The following BEND2 variants were observed in gnomAD, a reference collection of about 807,000 sequenced individuals.
BEND2 encodes BEN domain containing 2, also known as BEN domain-containing protein 2.
BEND2 carries 19 observed loss-of-function variants against 43.8 expected under a neutral mutation model. The ratio of observed to expected loss-of-function variants is 0.43; its 90% CI spans 0.30 to 0.64. The LOEUF (loss-of-function observed/expected upper bound fraction) is 0.64, where lower values mean the gene tolerates loss of function less well. Ranked by LOEUF, BEND2 falls within the 30% of genes least tolerant of loss-of-function variation. The pLI is 0.11. For synonymous variants in BEND2, 226 were observed against 210.1 expected (o/e 1.08, Z -0.66); for missense variants, 544 against 574.0 (o/e 0.95, Z 0.53).
chrX:18,171,858 A>C (rs1923987225), intron 12 of BEND2, among the ~76,000 whole-genome samples: 1 of 112,015 alleles, frequency 8.9e-6, no homozygotes, highest in South Asian at 3.7e-4. Context: ...TTCAAAAATA[A>C]GCTCCATGAT....
At chrX:18,172,160 T>C (rs1285451400) in intron 12 of BEND2, among the ~76,000 whole-genome samples, 2 of 110,622 alleles carry the variant, frequency 1.8e-5, no homozygotes, top group Non-Finnish European at 3.8e-5. Context: ...AGTCAGTAAG[T>C]ATATTCTTCA....
In BEND2 at chrX:18,163,871, T is replaced by C. The variant is rs1016375916; in HGVS notation, c.*1138A>G. ...GTGGATTACTATTCTGTATTAGCTC[T>C]GTTACTAGTAGTTGTAAAAAACTTG... On this transcript the variant is annotated 3_prime_UTR_variant, in exon 14 of 14. Coordinates refer to ENST00000380033, the MANE Select transcript of BEND2 (RefSeq NM_153346.5). 6.2e-5 allele frequency: 7 copies of C among 112,485 alleles called. No individual in the cohort carries two copies. Among genetic ancestry groups the C allele is most frequent in the Admixed American group, 1.9e-4 (2 of 10,591 alleles). 9.3% of individuals were successfully genotyped at this position (112,485 alleles called of 1,213,427 possible). A position where few individuals can be genotyped will look rare whatever the true frequency, so the allele number is the denominator to read the frequency against.
intron 6 of BEND2, among the ~76,000 whole-genome samples, 200 bp from the exon 7 acceptor site, chrX:18,195,642 A>T (rs113689595): frequency 2.7e-5 from 3 of 111,246 alleles, no homozygotes; most frequent in African/African-American, 9.8e-5. Flanking sequence ...ATACTTTGGG[A>T]GGCGGAGACA....
chrX:18,167,985 T>C, intron 13 of BEND2, among the ~76,000 whole-genome samples: 1 of 112,674 alleles, frequency 8.9e-6, no homozygotes, highest in Non-Finnish European at 1.9e-5. Context: ...AATCAAATCA[T>C]GAAGGATCAG....
intron 11 of BEND2, among the ~76,000 whole-genome samples, chrX:18,175,281 A>T (rs1924108059): frequency 9.0e-6 from 1 of 111,529 alleles, no homozygotes; most frequent in African/African-American, 3.3e-5. Flanking sequence ...TACTCTAGAG[A>T]CACAGGAGCG....
chrX:18,198,644 C>T (rs963177969), intron 6 of BEND2, among the ~76,000 whole-genome samples: 1 of 111,164 alleles, frequency 9.0e-6, no homozygotes, highest in African/African-American at 3.3e-5. Context: ...GTCAGGGTGG[C>T]GATTCCTCAG....
chrX:18,165,912 C>T (rs1169173267), intron 13 of BEND2, among the ~76,000 whole-genome samples: 1 of 111,975 alleles, frequency 8.9e-6, no homozygotes, highest in Non-Finnish European at 1.9e-5. Flanking sequence ...GTGATCCCTA[C>T]AGGTTAGCAT....
intron 4 of BEND2, among the ~76,000 whole-genome samples, chrX:18,208,746 A>T (rs1384054020): frequency 9.0e-6 from 1 of 111,357 alleles, no homozygotes; most frequent in Non-Finnish European, 1.9e-5. Flanking sequence ...TATCAGTATG[A>T]ACATATAGTT....
intron 8 of BEND2, among the ~76,000 whole-genome samples, chrX:18,187,457 C>A (rs1924614862): frequency 8.9e-6 from 1 of 111,855 alleles, no homozygotes; most frequent in African/African-American, 3.2e-5. Flanking sequence ...AATTGTAAAT[C>A]TCTATGCACC....
chrX:18,164,072 G>A lies in BEND2; in HGVS notation c.*937C>T, dbSNP rs1295581633. ...GAGTCTCACTCTGTCACCCAGGCTC[G>A]AGTGCAGTGGCACAATCTCGGCTCA... On this transcript the variant is annotated 3_prime_UTR_variant, in exon 14 of 14. Transcript: ENST00000380033. 1.8e-5 allele frequency: 2 copies of A among 109,993 alleles called. No homozygotes were observed. The highest frequency in any genetic ancestry group is 6.6e-5 in the African/African-American group (2 of 30,147). The allele number at this position is 109,993 out of a possible 1,213,427, so 9.1% of individuals were successfully genotyped here. A position where few individuals can be genotyped will look rare whatever the true frequency, so the allele number is the denominator to read the frequency against.
At position 18,202,660 on chromosome X, in the gene BEND2, C is replaced by T. The variant is rs771541440; in HGVS notation, c.908-720G>A. On this transcript the variant is annotated intron_variant, in intron 5 of 13. Coordinates refer to ENST00000380033, the MANE Select transcript of BEND2 (RefSeq NM_153346.5). ...CTACATTTCTGTTCTTTTTCAATCA[C>T]CCAGTCTATGGTATTTTGTTATAGT... is the stretch of plus-strand genomic sequence containing the variant. 2.7e-5 allele frequency among the ~76,000 whole-genome samples: 3 copies of T among 111,940 alleles called. No homozygotes were observed. In the East Asian group the frequency reaches 8.4e-4, roughly 31 times the overall value.
chrX:18,174,071 T>C lies in BEND2; in HGVS notation c.1940A>G (p.Glu647Gly). Reference sequence around the variant, plus strand: ...TTCCTCTGGATTATCAGTGGAAGGTTCTCGCATTCCTTCAGGGATAGCATT... The same window carrying C: ...TTCCTCTGGATTATCAGTGGAAGGTCCTCGCATTCCTTCAGGGATAGCATT... ...NSNAIPEGMR[E>G]PSTDNPEEPG... is the part of the protein sequence containing the mutation. Residue 647 changes from glutamate (E) to glycine (G), a missense_variant, in exon 12 of 14, where the codon GAA becomes GGA. Glu to Gly is a moderately conservative substitution (Grantham distance 98, BLOSUM62 -2). Transcript: ENST00000380033. 1 of 1,211,136 alleles carries C rather than the reference T, an allele frequency of 8.3e-7. No individual in the cohort carries two copies. Among genetic ancestry groups the C allele is most frequent in the South Asian group, 1.8e-5 (1 of 56,928 alleles).
intron 1 of BEND2, among the ~76,000 whole-genome samples, chrX:18,220,219 T>C (rs1293440334): frequency 8.9e-6 from 1 of 112,244 alleles, no homozygotes; most frequent in Non-Finnish European, 1.9e-5. Context: ...TGAACAGGGC[T>C]GTGTTCCGCG....
intron 9 of BEND2, among the ~76,000 whole-genome samples, chrX:18,179,937 G>C (rs1924320603): frequency 8.9e-6 from 1 of 112,338 alleles, no homozygotes; most frequent in Admixed American, 9.4e-5. Context: ...AGCACTTTGG[G>C]AGGCCGAGGC....
intron 13 of BEND2, among the ~76,000 whole-genome samples, chrX:18,167,353 T>C (rs901064091): frequency 9.0e-6 from 1 of 111,302 alleles, no homozygotes; most frequent in Non-Finnish European, 1.9e-5. Context: ...TTTAGCTGAA[T>C]TGGAGAAACA....
chrX:18,219,480 T>C (rs1925784754), intron 1 of BEND2, among the ~76,000 whole-genome samples: 1 of 112,980 alleles, frequency 8.9e-6, no homozygotes, highest in African/African-American at 3.2e-5. Flanking sequence ...CATTTACGTA[T>C]TTACAATAAA....
At chrX:18,213,634 A>G (rs189603783) in intron 3 of BEND2, 140 bp downstream of exon 3, 1 of 113,776 alleles carries the variant, frequency 8.8e-6, no homozygotes. Context: ...CCTCCAGGCT[A>G]GACCCGGTGG....
At chrX:18,195,714 C>G (rs1324822893) in intron 6 of BEND2, among the ~76,000 whole-genome samples, 1 of 109,426 alleles carries the variant, frequency 9.1e-6, no homozygotes, top group Non-Finnish European at 1.9e-5. Flanking sequence ...CCCACCTCTA[C>G]AAAAAAATTT....
chrX:18,171,633 C>T (rs1204543598), intron 12 of BEND2, among the ~76,000 whole-genome samples: 2 of 111,716 alleles, frequency 1.8e-5, no homozygotes, highest in South Asian at 3.8e-4. Context: ...TATAAGCCAT[C>T]GTGCCCAGCC....
Sources: gnomAD v4.1 joint callset for allele counts (sites outside exome capture counted in the v4.1 genomes callset) on GRCh38, gnomAD v4.1.1 for gene constraint, MANE v1.5 for transcripts, NCBI Gene and HGNC (gene_info 2026-07-23, HGNC 2026-07-21) for gene names.